The following GLDC variants were observed in gnomAD, a reference collection of about 807,000 sequenced individuals.
GLDC encodes glycine dehydrogenase (decarboxylating), mitochondrial.
In GLDC, 104 loss-of-function variants were observed where a neutral mutation model predicts 121.3. The ratio of observed to expected loss-of-function variants is 0.86; its 90% CI spans 0.73 to 1.01. The LOEUF is 1.01. Ranked by LOEUF, GLDC falls within the 50% of genes least tolerant of loss-of-function variation. The pLI, the probability that GLDC is intolerant of heterozygous loss-of-function variation, is 0.00. For missense variants in GLDC, 1,429 were observed against 1,306.6 expected, an observed-to-expected ratio of 1.09 and a Z score of -1.44; for synonymous variants, 546 against 480.6, an observed-to-expected ratio of 1.14 and a Z score of -1.78.
intron 16 of GLDC, among the ~76,000 whole-genome samples, chr9:6,560,607 G>C (rs942789786): frequency 3.9e-5 from 6 of 152,234 alleles, no homozygotes; most frequent in Non-Finnish European, 7.4e-5. Flanking sequence ...CTTCAGGGCA[G>C]AATATTGATA....
At chr9:6,633,374 A>G (rs903339418) in intron 2 of GLDC, among the ~76,000 whole-genome samples, 5 of 152,172 alleles carry the variant, frequency 3.3e-5, no homozygotes, top group Non-Finnish European at 5.9e-5. Context: ...CGGAAAACTC[A>G]CTAAATCTGC....
Position 6,554,859 on chromosome 9 carries a change from G to C in GLDC, c.2203-78C>G, listed in dbSNP as rs1416379820. ...CCAGTGTGAAGGCCATGGCTGGCCGGTGCTGCCTTCTCCCCTCAGAGGAAA... is the reference window on the plus strand; with the variant it reads ...CCAGTGTGAAGGCCATGGCTGGCCGCTGCTGCCTTCTCCCCTCAGAGGAAA... On this transcript the variant is annotated intron_variant, in intron 18 of 24. Coordinates refer to ENST00000321612, the MANE Select transcript of GLDC (RefSeq NM_000170.3). The C allele has an allele frequency of 3.9e-6, 4 of 1,025,724 alleles. 1 individual carries two copies. The South Asian group carries it at 5.4e-5, about 14-fold the overall frequency. 63.5% of individuals were successfully genotyped at this position (1,025,724 alleles called of 1,614,324 possible).
chr9:6,599,603 C>T (rs935799372), intron 8 of GLDC, among the ~76,000 whole-genome samples: 4 of 151,906 alleles, frequency 2.6e-5, no homozygotes, highest in Non-Finnish European at 5.9e-5. Context: ...CGCCTGTAAT[C>T]CCAGCTACTC....
intron 3 of GLDC, among the ~76,000 whole-genome samples, chr9:6,619,891 C>T (rs966505640): frequency 9.2e-5 from 14 of 152,232 alleles, no homozygotes; most frequent in Non-Finnish European, 1.3e-4. Flanking sequence ...TCACATCTTA[C>T]TCAAATACAG....
chr9:6,604,823 C>G (rs764849649), intron 6 of GLDC, 39 bp from the exon 7 acceptor site: 3 of 1,537,576 alleles, frequency 2.0e-6, no homozygotes, highest in African/African-American at 2.7e-5. Flanking sequence ...AGGTTGCTAC[C>G]TTTCCCTGAG....
chr9:6,604,942 T>C, intron 6 of GLDC, 158 bp from the exon 7 acceptor site: 4 of 868,466 alleles, frequency 4.6e-6, no homozygotes, highest in South Asian at 1.4e-5. Flanking sequence ...ACATACTGAG[T>C]GCCCACCATG....
chr9:6,540,385 C>T, intron 21 of GLDC: 1 of 495,600 alleles, frequency 2.0e-6, no homozygotes, highest in Non-Finnish European at 3.7e-6. Context: ...CACTACACAC[C>T]TGTGAACCTG....
At chr9:6,585,290 T>C (rs1005016627) in intron 15 of GLDC, among the ~76,000 whole-genome samples, 6 of 152,182 alleles carry the variant, frequency 3.9e-5, no homozygotes, top group East Asian at 1.9e-4. Flanking sequence ...CACTCTCCAA[T>C]ATGACAGTGA....
Position 6,550,904 on chromosome 9 carries a change from C to T in GLDC, c.2468G>A (p.Gly823Asp), listed in dbSNP as rs778306432. Residue 823 changes from glycine (G) to aspartate (D), a missense_variant, in exon 21 of 25, where the codon GGC (glycine) becomes GAC (aspartate). Gly to Asp is a moderately conservative substitution (Grantham distance 94, BLOSUM62 -1). Transcript: ENST00000321612. ...TTCCGTGGCTTGTTTAAGACCCTTG[C>T]CTCCCATCATCTGCAACAAAGGGAA... Reference protein sequence around the residue: ...ISWAYIKMMGGKGLKQATETA... With the variant: ...ISWAYIKMMGDKGLKQATETA... 4 of 1,606,502 alleles carry T rather than the reference C, an allele frequency of 2.5e-6. No homozygotes were observed. The highest frequency in any genetic ancestry group is 3.4e-6 in the Non-Finnish European group (4 of 1,173,202).
At chr9:6,607,844 C>T (rs761908545) in intron 4 of GLDC, among the ~76,000 whole-genome samples, 6 of 151,586 alleles carry the variant, frequency 4.0e-5, no homozygotes, top group East Asian at 3.9e-4. Flanking sequence ...TAAAATTGGC[C>T]GGTCATGGTG....
At chr9:6,565,618 C>T (rs1018449101) in intron 15 of GLDC, 189 bp from the exon 16 acceptor site, 3 of 668,040 alleles carry the variant, frequency 4.5e-6, no homozygotes, top group African/African-American at 1.8e-5. Flanking sequence ...ACAATCAAAG[C>T]AACAGCATCC....
At chr9:6,634,105 C>T (rs1819449413) in intron 2 of GLDC, among the ~76,000 whole-genome samples, 1 of 151,942 alleles carries the variant, frequency 6.6e-6, no homozygotes, top group African/African-American at 2.4e-5. Flanking sequence ...GCTGGGATTA[C>T]AGGTGTGAGC....
At chr9:6,622,251 C>G (rs34608509) in intron 2 of GLDC, among the ~76,000 whole-genome samples, 3 of 151,950 alleles carry the variant, frequency 2.0e-5, no homozygotes, top group African/African-American at 7.3e-5. Flanking sequence ...CCCCCTCCCC[C>G]TCCCCCTCTC....
intron 3 of GLDC, among the ~76,000 whole-genome samples, chr9:6,613,194 G>C (rs1038542473): frequency 6.6e-6 from 1 of 152,122 alleles, no homozygotes; most frequent in Non-Finnish European, 1.5e-5. Context: ...TGTTATACAT[G>C]TTCTTTGTAA....
chr9:6,594,907 CTT>C (rs2129861135), intron 9 of GLDC, 105 bp downstream of exon 9: 2 of 779,202 alleles, frequency 2.6e-6, no homozygotes, highest in Non-Finnish European at 4.7e-6. Flanking sequence ...TCGTTTCTCA[CTT>C]GACTTTTAAT....
At chr9:6,546,948 C>T (rs182280450) in intron 21 of GLDC, among the ~76,000 whole-genome samples, 33 of 151,702 alleles carry the variant, frequency 2.2e-4, no homozygotes, top group Middle Eastern at 3.4e-3. Context: ...GGTGACCAAG[C>T]GAGACTCTGT....
At chr9:6,619,519 G>T (rs981363684) in intron 3 of GLDC, among the ~76,000 whole-genome samples, 1 of 152,250 alleles carries the variant, frequency 6.6e-6, no homozygotes, top group Admixed American at 6.5e-5. Flanking sequence ...CCTGAGGTCA[G>T]GAGTTCGAGA....
chr9:6,550,831 G>T lies in GLDC; in HGVS notation c.2541C>A (p.His847Gln). Residue 847 changes from histidine to glutamine, a missense_variant, in exon 21 of 25, where the codon CAC (histidine) becomes CAA (glutamine). Transcript: ENST00000321612. ...ANYMAKRLET[H>Q]YRILFRGARG... ...TTGCACCCCTGAAAAGAATTCTGTA[G>T]TGTGTTTCTAATCGCTTGGCCATGT... 1 of 1,612,710 alleles carries T rather than the reference G, an allele frequency of 6.2e-7. No homozygotes were observed. Among genetic ancestry groups the T allele is most frequent in the Non-Finnish European group, 8.5e-7 (1 of 1,178,726 alleles).
intron 20 of GLDC, among the ~76,000 whole-genome samples, chr9:6,551,557 G>T (rs1414164321): frequency 6.6e-6 from 1 of 152,144 alleles, no homozygotes; most frequent in Non-Finnish European, 1.5e-5. Flanking sequence ...AATGTAAAGA[G>T]AATGAGAGAG....
Sources: allele counts gnomAD v4.1 joint callset (sites outside exome capture counted in the v4.1 genomes callset), GRCh38; gene constraint gnomAD v4.1.1; transcripts MANE v1.5; gene names NCBI Gene and HGNC (gene_info 2026-07-23, HGNC 2026-07-21).